Variants in NDUFS4 observed in about 807,000 individuals in gnomAD.
NDUFS4 encodes NADH dehydrogenase [ubiquinone] iron-sulfur protein 4, mitochondrial.
NDUFS4 carries 28 observed loss-of-function variants against 24.3 expected under a neutral mutation model. The ratio of observed to expected loss-of-function variants is 1.15; its 90% confidence interval spans 0.85 to 1.58. The LOEUF is 1.58. Among genes scored for constraint, NDUFS4 ranks in the 40% most tolerant of loss-of-function variants. NDUFS4 has a pLI of 0.00. For missense variants in NDUFS4, 223 were observed against 207.9 expected, an observed-to-expected ratio of 1.07 and a Z score of -0.45; for synonymous variants, 93 against 69.7, an observed-to-expected ratio of 1.34 and a Z score of -1.67.
chr5:53,621,001 A>G (rs1751018106), intron 2 of NDUFS4, among the ~76,000 whole-genome samples: 1 of 152,278 alleles, frequency 6.6e-6, no homozygotes, highest in South Asian at 2.1e-4. Context: ...ATCTTTACCA[A>G]TATTTTTGTC....
intron 4 of NDUFS4, among the ~76,000 whole-genome samples, chr5:53,661,381 C>T (rs908447218): frequency 2.0e-5 from 3 of 152,150 alleles, no homozygotes; most frequent in Non-Finnish European, 2.9e-5. Context: ...GGTACCAGTA[C>T]CATGCTATTT....
chr5:53,590,088 G>GA (rs1561347023), intron 1 of NDUFS4, among the ~76,000 whole-genome samples: 1 of 152,132 alleles, frequency 6.6e-6, no homozygotes, highest in African/African-American at 2.4e-5. Context: ...GGAATATAGA[G>GA]AATTACGCAT....
intron 1 of NDUFS4, among the ~76,000 whole-genome samples, chr5:53,586,404 T>C (rs1311828313): frequency 6.6e-6 from 1 of 152,116 alleles, no homozygotes; most frequent in Non-Finnish European, 1.5e-5. Flanking sequence ...ACTAAATCTT[T>C]CCTTGATTTG....
At chr5:53,578,480 A>G (rs111994467) in intron 1 of NDUFS4, among the ~76,000 whole-genome samples, 419 of 152,190 alleles carry the variant, frequency 2.8e-3, no homozygotes, top group Non-Finnish European at 4.4e-3. Context: ...GAGCTACTCT[A>G]TTGGACCCGT....
At chr5:53,569,645 T>C (rs1217900621) in intron 1 of NDUFS4, among the ~76,000 whole-genome samples, 4 of 152,280 alleles carry the variant, frequency 2.6e-5, no homozygotes, top group Middle Eastern at 3.4e-3. Flanking sequence ...GACTTACTGG[T>C]AAGTGATGTT....
intron 4 of NDUFS4, among the ~76,000 whole-genome samples, chr5:53,682,492 G>A (rs1213057046): frequency 6.6e-6 from 1 of 151,532 alleles, no homozygotes; most frequent in African/African-American, 2.4e-5. Flanking sequence ...CTCTTTATCA[G>A]GTACTCCCAT....
At chr5:53,679,475 C>G (rs1294360303) in intron 4 of NDUFS4, among the ~76,000 whole-genome samples, 1 of 152,118 alleles carries the variant, frequency 6.6e-6, no homozygotes, top group South Asian at 2.1e-4. Context: ...CCAGCTCACT[C>G]CTTAGTTACC....
At chr5:53,593,561 A>AT (rs1437133427) in intron 1 of NDUFS4, among the ~76,000 whole-genome samples, 1 of 146,900 alleles carries the variant, frequency 6.8e-6, no homozygotes, top group African/African-American at 2.5e-5. Flanking sequence ...GTTTACTATA[A>AT]TTTTTTTTAT....
intron 4 of NDUFS4, 170 bp downstream of exon 4, chr5:53,658,794 A>AC (rs1752238321): frequency 8.5e-6 from 5 of 590,194 alleles, no homozygotes; most frequent in East Asian, 2.8e-5. Context: ...CAAAAAAAAA[A>AC]AAAAAAAAAA....
intron 4 of NDUFS4, among the ~76,000 whole-genome samples, chr5:53,679,134 A>ATTG (rs1740570420): frequency 6.6e-6 from 1 of 152,164 alleles, no homozygotes; most frequent in Non-Finnish European, 1.5e-5. Context: ...TTTAGTCTCT[A>ATTG]TTGTGAATTG....
chr5:53,572,232 C>T lies in NDUFS4; in HGVS notation c.98+11472C>T, dbSNP rs544966141. On this transcript the variant is annotated intron_variant, in intron 1 of 4. Coordinates refer to ENST00000296684, the MANE Select transcript of NDUFS4 (RefSeq NM_002495.4). ...GATTCGTCTCTGACTGACCATTTGT[C>T]TTCAGAGATAACAATGTTCCTTTCT... Among the ~76,000 whole-genome samples, 101 of 152,262 alleles carry T rather than the reference C, an allele frequency of 6.6e-4. 1 individual carries two copies. The highest frequency in any genetic ancestry group is 2.4e-3 in the African/African-American group (99 of 41,562).
intron 4 of NDUFS4, among the ~76,000 whole-genome samples, chr5:53,665,358 G>A (rs1752481572): frequency 6.6e-6 from 1 of 152,232 alleles, no homozygotes; most frequent in South Asian, 2.1e-4. Flanking sequence ...AAAGCTGTCA[G>A]ACAGGGACAT....
At chr5:53,588,391 CTAGT>C (rs1749838443) in intron 1 of NDUFS4, among the ~76,000 whole-genome samples, 1 of 152,130 alleles carries the variant, frequency 6.6e-6, no homozygotes, top group South Asian at 2.1e-4. Context: ...AATTACTTAA[CTAGT>C]TATTTAATTC....
At chr5:53,680,372 G>T (rs557800840) in intron 4 of NDUFS4, among the ~76,000 whole-genome samples, 1 of 152,176 alleles carries the variant, frequency 6.6e-6, no homozygotes, top group East Asian at 1.9e-4. Context: ...AAATCATGCT[G>T]CTATAAAGAC....
chr5:53,587,430 G>T (rs1386641240), intron 1 of NDUFS4, among the ~76,000 whole-genome samples: 1 of 151,962 alleles, frequency 6.6e-6, no homozygotes, highest in African/African-American at 2.4e-5. Context: ...TTAGTATTTT[G>T]CTGGTTTTGC....
intron 4 of NDUFS4, among the ~76,000 whole-genome samples, chr5:53,675,324 A>G (rs954829649): frequency 1.3e-5 from 2 of 151,732 alleles, no homozygotes; most frequent in Non-Finnish European, 2.9e-5. Context: ...CACCACGCCC[A>G]GCTAATTTTT....
intron 4 of NDUFS4, among the ~76,000 whole-genome samples, chr5:53,664,855 G>T (rs1291743475): frequency 6.6e-6 from 1 of 152,152 alleles, no homozygotes; most frequent in Non-Finnish European, 1.5e-5. Context: ...ATCCAGCTTT[G>T]TTCCATTGCT....
chr5:53,661,282 G>C lies in NDUFS4; in HGVS notation c.424+2658G>C, dbSNP rs183089768. On this transcript the variant is annotated intron_variant, in intron 4 of 4. Coordinates refer to ENST00000296684, the MANE Select transcript of NDUFS4 (RefSeq NM_002495.4). Reference sequence around the variant, plus strand: ...AATCCTTTCCCCATTGCTTGTTTTTGTCAGGTTTGTCAAAGATCAGATACT... The same window carrying C: ...AATCCTTTCCCCATTGCTTGTTTTTCTCAGGTTTGTCAAAGATCAGATACT... Among the ~76,000 whole-genome samples, 825 of 152,170 alleles carry C rather than the reference G, an allele frequency of 5.4e-3. 4 individuals are homozygous for C. The highest frequency in any genetic ancestry group is 6.6e-3 in the African/African-American group (275 of 41,494).
chr5:53,633,388 C>T (rs1029412652), intron 2 of NDUFS4, among the ~76,000 whole-genome samples: 1 of 152,136 alleles, frequency 6.6e-6, no homozygotes, highest in Non-Finnish European at 1.5e-5. Context: ...TGACCTTTCC[C>T]TGACCATACA....
Sources: gnomAD v4.1 joint callset for allele counts (sites outside exome capture counted in the v4.1 genomes callset) on GRCh38, gnomAD v4.1.1 for gene constraint, MANE v1.5 for transcripts, NCBI Gene and HGNC (gene_info 2026-07-23, HGNC 2026-07-21) for gene names.